DACH1: variants seen among roughly 807,000 people sequenced by gnomAD.
The protein encoded by DACH1 is dachshund family transcription factor 1.
In DACH1, 12 loss-of-function variants were observed where a neutral mutation model predicts 54.2. The ratio of observed to expected loss-of-function variants is 0.22; its 90% CI spans 0.14 to 0.36. The LOEUF (loss-of-function observed/expected upper bound fraction) is 0.36. Ranked by LOEUF, DACH1 falls within the 10% of genes least tolerant of loss-of-function variation. DACH1 has a pLI of 1.00. For synonymous variants in DACH1, 386 were observed against 366.2 expected (o/e 1.05, Z -0.62); for missense variants, 805 against 929.8 (o/e 0.87, Z 1.75).
At chr13:71,613,980 G>A (rs1875555639) in intron 3 of DACH1, among the ~76,000 whole-genome samples, 1 of 152,146 alleles carries the variant, frequency 6.6e-6, no homozygotes, top group African/African-American at 2.4e-5. Flanking sequence ...GAGCCACCAC[G>A]CCCAGCATCT....
chr13:71,599,198 T>G (rs1431205852), intron 3 of DACH1, among the ~76,000 whole-genome samples: 6 of 152,162 alleles, frequency 3.9e-5, no homozygotes, highest in African/African-American at 1.4e-4. Context: ...TTTAACAGAA[T>G]GATGGGACTG....
intron 1 of DACH1, among the ~76,000 whole-genome samples, chr13:71,795,949 C>A (rs553869436): frequency 1.3e-5 from 2 of 152,036 alleles, no homozygotes; most frequent in African/African-American, 4.8e-5. Context: ...CTAATCTTTA[C>A]GAAAAATATA....
At chr13:71,818,177 G>T (rs979470153) in intron 1 of DACH1, among the ~76,000 whole-genome samples, 1 of 152,070 alleles carries the variant, frequency 6.6e-6, no homozygotes, top group Non-Finnish European at 1.5e-5. Flanking sequence ...CAGACCAGTG[G>T]AGTCCTGCCT....
intron 10 of DACH1, among the ~76,000 whole-genome samples, chr13:71,454,599 T>TACC (rs1484814511): frequency 6.6e-6 from 1 of 152,108 alleles, no homozygotes; most frequent in African/African-American, 2.4e-5. Context: ...CTGTGGAGAG[T>TACC]ACCGTGTGGC....
chr13:71,621,810 G>T (rs989107512), intron 3 of DACH1, among the ~76,000 whole-genome samples: 1 of 152,116 alleles, frequency 6.6e-6, no homozygotes, highest in South Asian at 2.1e-4. Flanking sequence ...AACCGTATCC[G>T]TTTCATTAGT....
At chr13:71,658,916 A>G (rs1879315302) in intron 2 of DACH1, among the ~76,000 whole-genome samples, 1 of 152,158 alleles carries the variant, frequency 6.6e-6, no homozygotes, top group Non-Finnish European at 1.5e-5. Context: ...AATTCAGAAC[A>G]TATTTCTTCA....
intron 2 of DACH1, chr13:71,675,544 T>C (rs1594084029): frequency 1.1e-6 from 1 of 895,668 alleles, no homozygotes; most frequent in East Asian, 2.6e-5. Flanking sequence ...TTCCTGTTAT[T>C]GGTAGTTCTG....
chr13:71,535,247 A>G (rs1404430629), intron 6 of DACH1, among the ~76,000 whole-genome samples: 1 of 147,584 alleles, frequency 6.8e-6, no homozygotes, highest in Non-Finnish European at 1.5e-5. Context: ...AAAGAAGCAT[A>G]TTTATAGATG....
At chr13:71,709,008 A>G (rs1442548452) in intron 1 of DACH1, among the ~76,000 whole-genome samples, 2 of 151,512 alleles carry the variant, frequency 1.3e-5, no homozygotes, top group South Asian at 2.1e-4. Context: ...GCCCGCCACC[A>G]TGCCCGACTA....
chr13:71,653,631 T>G (rs868437141), intron 2 of DACH1, among the ~76,000 whole-genome samples: 61 of 152,208 alleles, frequency 4.0e-4, no homozygotes, highest in African/African-American at 1.4e-3. Flanking sequence ...AATATTAGAA[T>G]ATTTTGGATG....
chr13:71,490,322 T>C lies in DACH1; in HGVS notation c.1571-1174A>G, dbSNP rs1272501906. ...ATTACGTCTCTCTGGGGCAGAAATATTGTAGAAGCTGCCACACTTCCCTGT... is the reference window on the plus strand; with the variant it reads ...ATTACGTCTCTCTGGGGCAGAAATACTGTAGAAGCTGCCACACTTCCCTGT... On this transcript the variant is annotated intron_variant, in intron 6 of 10. Coordinates refer to ENST00000613252, the MANE Select transcript of DACH1 (RefSeq NM_080759.6). Among the ~76,000 whole-genome samples, 7 of 152,306 alleles carry C rather than the reference T, an allele frequency of 4.6e-5. No homozygotes were observed. In the South Asian group the frequency reaches 1.0e-3, roughly 23 times the overall value.
intron 6 of DACH1, among the ~76,000 whole-genome samples, chr13:71,500,051 T>C (rs546087618): frequency 2.0e-5 from 3 of 152,002 alleles, no homozygotes; most frequent in Admixed American, 6.6e-5. Context: ...AAAAAAAAAG[T>C]AGACCCTTTT....
chr13:71,540,356 CTT>C (rs965908665), intron 6 of DACH1, among the ~76,000 whole-genome samples: 48 of 152,170 alleles, frequency 3.2e-4, no homozygotes, highest in African/African-American at 1.1e-3. Flanking sequence ...AGTGGTTACA[CTT>C]AGCTGACCAC....
At chr13:71,520,192 A>C (rs1185730775) in intron 6 of DACH1, among the ~76,000 whole-genome samples, 3 of 151,530 alleles carry the variant, frequency 2.0e-5, no homozygotes, top group African/African-American at 7.2e-5. Context: ...GTTGTATCCC[A>C]TTATTGATCT....
At chr13:71,573,217 T>C (rs1378542131) in intron 3 of DACH1, among the ~76,000 whole-genome samples, 1 of 152,166 alleles carries the variant, frequency 6.6e-6, no homozygotes, top group African/African-American at 2.4e-5. Flanking sequence ...ACTTATCCTG[T>C]GTTTAATACA....
intron 1 of DACH1, among the ~76,000 whole-genome samples, chr13:71,860,241 T>C (rs1367830639): frequency 1.3e-5 from 2 of 148,722 alleles, no homozygotes; most frequent in Admixed American, 6.7e-5. Flanking sequence ...CACACACACA[T>C]GCATGCAGAT....
chr13:71,617,951 C>T (rs542466519), intron 3 of DACH1, among the ~76,000 whole-genome samples: 1 of 152,188 alleles, frequency 6.6e-6, no homozygotes, highest in African/African-American at 2.4e-5. Context: ...GGTCTGCTCA[C>T]TTGTTAAAAT....
chr13:71,519,454 T>C (rs1429881578), intron 6 of DACH1, among the ~76,000 whole-genome samples: 3 of 151,772 alleles, frequency 2.0e-5, no homozygotes, highest in Non-Finnish European at 4.4e-5. Context: ...CATTATTAAA[T>C]TGTTCTTAGA....
chr13:71,625,960 C>A (rs1274439359), intron 3 of DACH1, among the ~76,000 whole-genome samples: 1 of 151,916 alleles, frequency 6.6e-6, no homozygotes. Context: ...TTGTTGATAG[C>A]TGTTTACCAG....
Sources: gnomAD v4.1 joint callset for allele counts (sites outside exome capture counted in the v4.1 genomes callset) on GRCh38, gnomAD v4.1.1 for gene constraint, MANE v1.5 for transcripts, NCBI Gene and HGNC (gene_info 2026-07-23, HGNC 2026-07-21) for gene names.